Variants in NKAIN3 observed in about 807,000 individuals in gnomAD.
NKAIN3 encodes sodium/potassium-transporting ATPase subunit beta-1-interacting protein 3.
NKAIN3 carries 25 observed loss-of-function variants against 30.2 expected under a neutral mutation model. The ratio of observed to expected loss-of-function variants is 0.83; its 90% confidence interval spans 0.60 to 1.16. The LOEUF is 1.16. Ranked by LOEUF, NKAIN3 falls within the 50% of genes most tolerant of loss-of-function variation. The pLI, the probability that NKAIN3 is intolerant of heterozygous loss-of-function variation, is 0.00. For missense variants in NKAIN3, 225 were observed against 254.1 expected (o/e 0.89, Z 0.78); for synonymous variants, 91 against 89.6 (o/e 1.02, Z -0.09).
chr8:62,960,716 C>T (rs556746205), intron 6 of NKAIN3, among the ~76,000 whole-genome samples: 1 of 138,890 alleles, frequency 7.2e-6, no homozygotes, highest in African/African-American at 2.8e-5. Context: ...GGAAAGATTA[C>T]ACAATACGCA....
chr8:62,580,101 T>C (rs913227616), intron 2 of NKAIN3, among the ~76,000 whole-genome samples: 1 of 152,206 alleles, frequency 6.6e-6, no homozygotes, highest in Non-Finnish European at 1.5e-5. Context: ...GTTTAGTCAC[T>C]GAAAACAATA....
chr8:62,547,304 A>T (rs565024054), intron 1 of NKAIN3, among the ~76,000 whole-genome samples: 1 of 152,210 alleles, frequency 6.6e-6, no homozygotes. Flanking sequence ...TTACTAACAT[A>T]GGACCACATC....
chr8:62,498,221 A>T lies in NKAIN3; in HGVS notation c.55-81318A>T, dbSNP rs190232006. Among the ~76,000 whole-genome samples, 183 of 152,204 alleles carry T rather than the reference A, an allele frequency of 1.2e-3. 2 individuals carry two copies. The highest frequency in any genetic ancestry group is 4.6e-4 in the Non-Finnish European group (31 of 68,004). On this transcript the variant is annotated intron_variant, in intron 1 of 6. Coordinates refer to ENST00000623646, the MANE Select transcript of NKAIN3 (RefSeq NM_001304533.3). ...TGGCATGAAGATAGTGGACTGTGAC[A>T]CTTGTTGAGCAGGGAAGAATTGGTC...
chr8:62,493,002 T>C (rs1276544374), intron 1 of NKAIN3, among the ~76,000 whole-genome samples: 3 of 152,146 alleles, frequency 2.0e-5, no homozygotes, highest in African/African-American at 7.2e-5. Flanking sequence ...TTGTCTGTGA[T>C]GGTTTCTTAA....
At chr8:62,987,521 G>T (rs1824227271), downstream of NKAIN3, among the ~76,000 whole-genome samples, 1 of 152,054 alleles carries the variant, frequency 6.6e-6, no homozygotes, top group South Asian at 2.1e-4. Context: ...AGGAGCAAAG[G>T]CACGTCTTAC....
intron 1 of NKAIN3, among the ~76,000 whole-genome samples, chr8:62,389,571 C>G (rs16928865): frequency 0.088 from 13,338 of 152,170 alleles, 753 homozygotes; most frequent in African/African-American, 0.15. Flanking sequence ...GAATAATTAT[C>G]CCATTGCTCT....
intron 4 of NKAIN3, among the ~76,000 whole-genome samples, chr8:62,897,704 G>A (rs938163371): frequency 1.3e-5 from 2 of 152,156 alleles, no homozygotes; most frequent in African/African-American, 4.8e-5. Context: ...CAGTGGGGCA[G>A]ATCCCTCATG....
intron 4 of NKAIN3, among the ~76,000 whole-genome samples, chr8:62,780,638 A>C (rs1255061800): frequency 6.6e-6 from 1 of 152,182 alleles, no homozygotes; most frequent in Admixed American, 6.6e-5. Flanking sequence ...CAAAATATGA[A>C]AATCAGTAAT....
chr8:62,905,026 G>A (rs1355021443), intron 4 of NKAIN3, among the ~76,000 whole-genome samples: 1 of 152,068 alleles, frequency 6.6e-6, no homozygotes, highest in Non-Finnish European at 1.5e-5. Flanking sequence ...AGAAGATAAC[G>A]AATGGACACA....
chr8:62,634,771 A>T (rs2130279008), intron 3 of NKAIN3, among the ~76,000 whole-genome samples: 1 of 152,254 alleles, frequency 6.6e-6, no homozygotes, highest in Admixed American at 6.5e-5. Flanking sequence ...GAGAAAGAGG[A>T]GGGTGAGTGA....
At chr8:62,529,760 A>G (rs1203091852) in intron 1 of NKAIN3, among the ~76,000 whole-genome samples, 1 of 152,164 alleles carries the variant, frequency 6.6e-6, no homozygotes, top group Non-Finnish European at 1.5e-5. Context: ...CTAAGGCAAT[A>G]CTAAGTGGAT....
intron 4 of NKAIN3, among the ~76,000 whole-genome samples, chr8:62,765,952 C>T (rs1816824176): frequency 6.6e-6 from 1 of 151,958 alleles, no homozygotes; most frequent in Non-Finnish European, 1.5e-5. Flanking sequence ...TCAAATCAAG[C>T]CAGAATATTT....
intron 1 of NKAIN3, chr8:62,483,789 A>AGCCTCCTGTTGGCT: frequency 4.0e-6 from 1 of 250,942 alleles, no homozygotes; most frequent in East Asian, 1.3e-4. Context: ...CTCCTCTACC[A>AGCCTCCTGTTGGCT]GCCTCCTGTT....
At chr8:62,536,436 C>T (rs572615925) in intron 1 of NKAIN3, among the ~76,000 whole-genome samples, 1 of 152,042 alleles carries the variant, frequency 6.6e-6, no homozygotes, top group Non-Finnish European at 1.5e-5. Flanking sequence ...AACATATGTC[C>T]TTTCAAGAGG....
rs1823975254 is a variant in NKAIN3, at chr8:62,977,654, A to G, written c.*12247A>G. On this transcript the variant is annotated 3_prime_UTR_variant, in exon 7 of 7. Coordinates refer to ENST00000623646, the MANE Select transcript of NKAIN3 (RefSeq NM_001304533.3). ...CTTAGCTTCCTCGTATTGGGTTACT[A>G]TATGTTCCATTCGCTCTGAGGAGTT... Among the ~76,000 whole-genome samples the G allele has an allele frequency of 6.6e-6, 1 of 152,072 alleles. No homozygotes were observed. Among genetic ancestry groups the G allele is most frequent in the Non-Finnish European group, 1.5e-5 (1 of 68,020 alleles).
chr8:62,541,788 C>A (rs1433411339), intron 1 of NKAIN3, among the ~76,000 whole-genome samples: 2 of 151,988 alleles, frequency 1.3e-5, no homozygotes, highest in Non-Finnish European at 2.9e-5. Context: ...AAGGTAATCT[C>A]TTATTTTTCT....
chr8:62,906,103 A>T (rs1271925585), intron 4 of NKAIN3, among the ~76,000 whole-genome samples: 1 of 152,182 alleles, frequency 6.6e-6, no homozygotes, highest in East Asian at 1.9e-4. Flanking sequence ...GCGAGCATCC[A>T]TCAAGGCCCA....
At chr8:62,737,290 GTCA>G (rs1360335001) in intron 3 of NKAIN3, among the ~76,000 whole-genome samples, 1 of 152,186 alleles carries the variant, frequency 6.6e-6, no homozygotes, top group Non-Finnish European at 1.5e-5. Flanking sequence ...CAGAAGCATT[GTCA>G]TGGTGGAGAA....
intron 3 of NKAIN3, among the ~76,000 whole-genome samples, chr8:62,656,388 C>T (rs1035253516): frequency 6.6e-6 from 1 of 151,904 alleles, no homozygotes; most frequent in African/African-American, 2.4e-5. Flanking sequence ...AATGTGTATA[C>T]ATATGTAACA....
Sources: gnomAD v4.1 joint callset for allele counts (sites outside exome capture counted in the v4.1 genomes callset) on GRCh38, gnomAD v4.1.1 for gene constraint, MANE v1.5 for transcripts, NCBI Gene and HGNC (gene_info 2026-07-23, HGNC 2026-07-21) for gene names.